The following PRELID2 variants were observed in gnomAD, a reference collection of about 807,000 sequenced individuals.
PRELID2 encodes PRELI domain containing 2.
PRELID2 carries 25 observed loss-of-function variants against 28.4 expected under a neutral mutation model. That is an observed-to-expected ratio of 0.88 (90% CI 0.64 to 1.23). The LOEUF is 1.23. Among genes scored for constraint, PRELID2 ranks in the 50% most tolerant of loss-of-function variants. The pLI, the probability that PRELID2 is intolerant of heterozygous loss-of-function variation, is 0.00. For missense variants in PRELID2, 201 were observed against 214.4 expected (o/e 0.94, Z 0.39); for synonymous variants, 76 against 71.6 (o/e 1.06, Z -0.31).
chr5:145,613,498 A>G (rs1456990869), intron 1 of PRELID2, among the ~76,000 whole-genome samples: 2 of 132,662 alleles, frequency 1.5e-5, no homozygotes, highest in Non-Finnish European at 3.1e-5. Context: ...CCTGTGTCCA[A>G]GTGTTCTCAT....
intron 1 of PRELID2, among the ~76,000 whole-genome samples, chr5:145,478,672 T>A (rs1752129574): frequency 6.6e-6 from 1 of 152,240 alleles, no homozygotes. Flanking sequence ...TTGAAATTAA[T>A]TTTATCTGCC....
chr5:145,796,507 C>A lies in PRELID2; in HGVS notation c.409G>T (p.Val137Phe), dbSNP rs769878850. Reference sequence around the variant, plus strand: ...TCTAAAACACAGTTGAGAAATCCAACCCCTGTGATTGAAATCCTGCCTCTT... The same window carrying A: ...TCTAAAACACAGTTGAGAAATCCAAACCCTGTGATTGAAATCCTGCCTCTT... ...IQRGRISITGVGFLNCVLETF... is the reference protein window; with the variant it reads ...IQRGRISITGFGFLNCVLETF... The change falls in exon 5 of 7, where the codon GTT becomes TTT. Residue 137 changes from valine to phenylalanine, a missense_variant. Val to Phe is a conservative substitution (Grantham distance 50). Transcript: ENST00000683046. 6.2e-7 allele frequency: 1 copy of A among 1,609,398 alleles called. No individual in the cohort carries two copies. Among genetic ancestry groups the A allele is most frequent in the Non-Finnish European group, 8.5e-7 (1 of 1,177,498 alleles).
intron 1 of PRELID2, among the ~76,000 whole-genome samples, chr5:145,521,099 C>T (rs535972338): frequency 1.3e-5 from 2 of 152,150 alleles, no homozygotes; most frequent in South Asian, 4.2e-4. Flanking sequence ...GTGTTTAATT[C>T]ACAGAAATTA....
chr5:145,397,813 A>C, the PRELID2 span, among the ~76,000 whole-genome samples: 2 of 152,184 alleles, frequency 1.3e-5, no homozygotes, highest in Non-Finnish European at 2.9e-5. Context: ...AGAAGCGAAA[A>C]CTGAGTTTCC....
chr5:145,501,429 T>A (rs1432552243), intron 1 of PRELID2, among the ~76,000 whole-genome samples: 1 of 152,184 alleles, frequency 6.6e-6, no homozygotes, highest in Admixed American at 6.5e-5. Context: ...AATCTCATCT[T>A]GAATTGTAGA....
At chr5:145,572,993 T>C (rs1223929215) in intron 1 of PRELID2, among the ~76,000 whole-genome samples, 3 of 152,154 alleles carry the variant, frequency 2.0e-5, no homozygotes, top group Non-Finnish European at 4.4e-5. Context: ...CATAACCTTT[T>C]ATTGCTCAAG....
intron 1 of PRELID2, among the ~76,000 whole-genome samples, chr5:145,611,290 A>T (rs1158765462): frequency 6.6e-6 from 1 of 151,952 alleles, no homozygotes; most frequent in Non-Finnish European, 1.5e-5. Context: ...CACCCTCCCA[A>T]GTAGTTGAGA....
the PRELID2 span, among the ~76,000 whole-genome samples, chr5:145,440,215 C>G: frequency 6.6e-6 from 1 of 152,206 alleles, no homozygotes; most frequent in Admixed American, 6.5e-5. Context: ...CAGATTCCAG[C>G]CACAGTGACC....
At chr5:145,653,202 A>C (rs1429592134) in intron 1 of PRELID2, among the ~76,000 whole-genome samples, 3 of 152,254 alleles carry the variant, frequency 2.0e-5, no homozygotes, top group Non-Finnish European at 4.4e-5. Flanking sequence ...AGAGCTAACT[A>C]TCCTAAATAT....
chr5:145,347,328 G>A, the PRELID2 span, among the ~76,000 whole-genome samples: 1 of 152,090 alleles, frequency 6.6e-6, no homozygotes, highest in Non-Finnish European at 1.5e-5. Context: ...CCACCTCTTT[G>A]AAAGTTTTGT....
the PRELID2 span, among the ~76,000 whole-genome samples, chr5:145,336,981 A>C: frequency 2.3e-5 from 2 of 85,952 alleles, no homozygotes; most frequent in Admixed American, 1.6e-4. Context: ...GGGAGGGGGG[A>C]GGGATAGCTT....
At chr5:145,460,333 A>G in the PRELID2 span, among the ~76,000 whole-genome samples, 4 of 152,222 alleles carry the variant, frequency 2.6e-5, no homozygotes, top group Admixed American at 2.6e-4. Context: ...TAGTTGCTAT[A>G]GTAGTAAGAT....
At chr5:145,514,298 T>C (rs1223739508) in intron 1 of PRELID2, among the ~76,000 whole-genome samples, 1 of 129,564 alleles carries the variant, frequency 7.7e-6, no homozygotes, top group African/African-American at 2.8e-5. Flanking sequence ...TGGAGGAATA[T>C]TTACCAAGCA....
chr5:145,641,278 C>G (rs907623671), intron 1 of PRELID2, among the ~76,000 whole-genome samples: 1 of 151,282 alleles, frequency 6.6e-6, no homozygotes, highest in African/African-American at 2.4e-5. Context: ...GTATCCAAAA[C>G]TACTATAAAT....
the PRELID2 span, among the ~76,000 whole-genome samples, chr5:145,310,042 A>T: frequency 6.6e-6 from 1 of 152,258 alleles, no homozygotes; most frequent in Admixed American, 6.5e-5. Flanking sequence ...TTTATTACTT[A>T]TGCAGCCTTG....
At chr5:145,652,726 G>T (rs1754319793) in intron 1 of PRELID2, among the ~76,000 whole-genome samples, 1 of 152,176 alleles carries the variant, frequency 6.6e-6, no homozygotes, top group African/African-American at 2.4e-5. Context: ...CACCAGGCCT[G>T]CCCTACAAGA....
the PRELID2 span, among the ~76,000 whole-genome samples, chr5:145,257,951 G>A: frequency 2.6e-5 from 4 of 152,114 alleles, no homozygotes; most frequent in Non-Finnish European, 4.4e-5. Flanking sequence ...TACTGCTGTC[G>A]TGACAGTAAG....
At position 145,494,717 on chromosome 5, in the gene PRELID2, A is replaced by G. The variant is rs1026877129; in HGVS notation, n.71-21402T>C. ...AAATGGATATGTATTATGTACCATG[A>G]GAAGAAAAGAATATTAGATCTTACT... is the stretch of plus-strand genomic sequence containing the variant. On this transcript the variant is annotated intron_variant and non_coding_transcript_variant, in intron 1 of 2. Transcript: ENST00000510259. Among the ~76,000 whole-genome samples, 4 of 152,210 alleles carry G rather than the reference A, an allele frequency of 2.6e-5. No homozygotes were observed. The East Asian group carries it at 7.7e-4, about 29-fold the overall frequency.
chr5:145,659,198 A>G (rs1754447420), intron 1 of PRELID2, among the ~76,000 whole-genome samples: 1 of 152,172 alleles, frequency 6.6e-6, no homozygotes. Flanking sequence ...ACATACTGTT[A>G]TTCTCTAGAT....
Sources: allele counts gnomAD v4.1 joint callset (sites outside exome capture counted in the v4.1 genomes callset), GRCh38; gene constraint gnomAD v4.1.1; transcripts MANE v1.5; gene names NCBI Gene and HGNC (gene_info 2026-07-23, HGNC 2026-07-21).